Variants in FAM20A observed in about 807,000 individuals in gnomAD.
FAM20A encodes pseudokinase FAM20A.
A neutral mutation model predicts 52.0 loss-of-function variants in FAM20A; 42 were observed. The ratio of observed to expected loss-of-function variants is 0.81; its 90% CI spans 0.63 to 1.04. FAM20A has a LOEUF of 1.04. FAM20A is among the 50% of genes least tolerant of loss of function. The pLI, the probability that FAM20A is intolerant of heterozygous loss-of-function variation, is 0.00. For missense variants in FAM20A, 742 were observed against 712.7 expected, an observed-to-expected ratio of 1.04 and a Z score of -0.47; for synonymous variants, 304 against 298.9, an observed-to-expected ratio of 1.02 and a Z score of -0.18.
chr17:68,569,886 C>G (rs191072343), intron 1 of FAM20A, among the ~76,000 whole-genome samples: 1 of 152,142 alleles, frequency 6.6e-6, no homozygotes, highest in African/African-American at 2.4e-5. Context: ...CTGCATTGGC[C>G]TCCGGAGAGG....
intron 10 of FAM20A, among the ~76,000 whole-genome samples, chr17:68,538,408 C>A (rs1344909935): frequency 6.6e-6 from 1 of 152,246 alleles, no homozygotes; most frequent in Non-Finnish European, 1.5e-5. Flanking sequence ...AATACTCATG[C>A]TCTACTCCGA....
intron 1 of FAM20A, among the ~76,000 whole-genome samples, chr17:68,567,121 T>C (rs1461509791): frequency 2.0e-5 from 3 of 151,910 alleles, no homozygotes; most frequent in East Asian, 3.8e-4. Flanking sequence ...CTCTCAGCAG[T>C]AGACTCATAA....
rs186368408 is a variant in FAM20A at position 68,599,511 on chromosome 17, C to T, written c.404+752G>A. Among the ~76,000 whole-genome samples, 987 of 152,246 alleles carry T rather than the reference C, an allele frequency of 6.5e-3. 9 individuals are homozygous for T. Among genetic ancestry groups the T allele is most frequent in the African/African-American group, 0.022 (927 of 41,540 alleles). On this transcript the variant is annotated intron_variant, in intron 1 of 10. Coordinates refer to ENST00000592554, the MANE Select transcript of FAM20A (RefSeq NM_017565.4). ...TATTTTGCTTTGGGTTTAAAAAATT[C>T]CCTGAAAGATTTTTTTCTCGTCTGT...
Position 68,555,637 on chromosome 17 carries a change from G to A in FAM20A, c.511C>T (p.His171Tyr). ...WVQFHLGINR[H>Y]GLYSRSSPVV... ...GGGCTGGACCGGGAGTAGAGCCCAT[G>A]GCGGTTAATACCCAGGTGGAACTGG... is the stretch of plus-strand genomic sequence containing the variant. Residue 171 changes from histidine (H) to tyrosine (Y), a missense_variant, in exon 2 of 11, where the codon CAT becomes TAT. His to Tyr is a moderately conservative substitution (Grantham distance 83). Transcript: ENST00000592554. The A allele has an allele frequency of 1.9e-6, 3 of 1,613,766 alleles. No individual in the cohort carries two copies. In the South Asian group the frequency reaches 3.3e-5, roughly 18 times the overall value.
At chr17:68,547,405 A>C (rs1490779512) in intron 4 of FAM20A, among the ~76,000 whole-genome samples, 1 of 152,208 alleles carries the variant, frequency 6.6e-6, no homozygotes, top group South Asian at 2.1e-4. Flanking sequence ...CTATGGGGAA[A>C]GTCCCAGATG....
chr17:68,539,201 A>G lies in FAM20A; in HGVS notation c.1361+136T>C. On this transcript the variant is annotated intron_variant, in intron 10 of 10. Transcript: ENST00000592554. The stretch of plus-strand genomic sequence containing the variant: ...CATGCAGTGCACAAATGTGTAGGAA[A>G]TAAGGTGATTCATGTCATTCTACCC... The G allele has an allele frequency of 2.6e-6, 2 of 774,776 alleles. 1 individual carries two copies. Among genetic ancestry groups the G allele is most frequent in the South Asian group, 3.0e-5 (2 of 67,064 alleles). 48.0% of individuals were successfully genotyped at this position (774,776 alleles called of 1,614,324 possible). A position where few individuals can be genotyped will look rare whatever the true frequency, so the allele number is the denominator to read the frequency against.
Position 68,540,975 on chromosome 17 carries a change from G to C in FAM20A, c.1110-17C>G, listed in dbSNP as rs1031918370. ...ACCTCCCACCTGAGGGGGAGAAGAA[G>C]TCCTGGGGCTGGAAAAGCCAAGATG... On this transcript the variant is annotated splice_polypyrimidine_tract_variant and intron_variant, in intron 7 of 10. Coordinates refer to ENST00000592554, the MANE Select transcript of FAM20A (RefSeq NM_017565.4). 4 of 1,567,882 alleles carry C rather than the reference G, an allele frequency of 2.6e-6. No homozygotes were observed. In the East Asian group the frequency reaches 7.0e-5, roughly 27 times the overall value.
At chr17:68,577,923 A>T (rs930393677) in intron 1 of FAM20A, among the ~76,000 whole-genome samples, 1 of 152,174 alleles carries the variant, frequency 6.6e-6, no homozygotes, top group African/African-American at 2.4e-5. Flanking sequence ...TGCAATATTG[A>T]TTTATTTAAA....
intron 1 of FAM20A, among the ~76,000 whole-genome samples, chr17:68,557,014 C>T (rs1213351523): frequency 6.6e-6 from 1 of 151,768 alleles, no homozygotes; most frequent in Non-Finnish European, 1.5e-5. Context: ...TCCTGGACAA[C>T]AATGATAAAG....
At chr17:68,542,657 A>T (rs756898585) in intron 6 of FAM20A, 37 bp downstream of exon 6, 2 of 1,523,028 alleles carry the variant, frequency 1.3e-6, no homozygotes, top group Admixed American at 3.3e-5. Context: ...CTTACGATCT[A>T]CTCAGACCCG....
chr17:68,544,262 C>T (rs1189398805), intron 4 of FAM20A, among the ~76,000 whole-genome samples: 1 of 152,100 alleles, frequency 6.6e-6, no homozygotes, highest in Non-Finnish European at 1.5e-5. Flanking sequence ...CTCAGAGAAA[C>T]ACAGCCGGAT....
intron 4 of FAM20A, among the ~76,000 whole-genome samples, chr17:68,547,522 G>GCT (rs1206148193): frequency 2.0e-5 from 3 of 152,206 alleles, no homozygotes; most frequent in Non-Finnish European, 2.9e-5. Flanking sequence ...ACCTGCTGCA[G>GCT]CTTCTCCATC....
chr17:68,594,369 A>G (rs1042631135), intron 1 of FAM20A, among the ~76,000 whole-genome samples: 2 of 151,604 alleles, frequency 1.3e-5, no homozygotes, highest in African/African-American at 2.4e-5. Flanking sequence ...ACTGCACTCC[A>G]GCCTGGGCGA....
chr17:68,542,001 G>C lies in FAM20A; in HGVS notation c.1093C>G (p.Leu365Val), dbSNP rs780835795. The C allele has an allele frequency of 6.2e-7, 1 of 1,613,760 alleles. No individual in the cohort carries two copies. The change falls in exon 7 of 11, where the codon CTG becomes GTG. Residue 365 changes from leucine to valine, a missense_variant. By Grantham distance (32) the Leu-to-Val change is conservative. Transcript: ENST00000592554. ...CCAACTCACTCCTCTTTTCCTGCCA[G>C]TGTGTAGGAGCGGATCCAGGGGTTG... is the stretch of plus-strand genomic sequence containing the variant. ...VPNPWIRSYT[L>V]AGKEEWEVNP...
At chr17:68,548,259 G>C (rs898079795) in intron 4 of FAM20A, among the ~76,000 whole-genome samples, 2 of 151,916 alleles carry the variant, frequency 1.3e-5, no homozygotes, top group African/African-American at 4.8e-5. Flanking sequence ...GCTGGGCATG[G>C]TGGCACACGC....
At position 68,537,089 on chromosome 17, in the gene FAM20A, T is replaced by A. The variant is rs1296633388; in HGVS notation, c.*388A>T. ...TCTGGACCAGGAGTTATCTTTGACT[T>A]GTAGCTAGAATAAGGATCCTGAGAA... On this transcript the variant is annotated 3_prime_UTR_variant, in exon 11 of 11. Transcript: ENST00000592554. This position sits in a 1 kb window ranked among gnomAD's most constrained non-coding sequence, Gnocchi z 4.2. The A allele has an allele frequency of 2.2e-6, 1 of 463,214 alleles. No individual in the cohort carries two copies. The highest frequency in any genetic ancestry group is 1.5e-5 in the South Asian group (1 of 64,566). The allele number at this position is 463,214 out of a possible 1,614,324, so 28.7% of individuals were successfully genotyped here.
At chr17:68,591,863 C>G (rs986021239) in intron 1 of FAM20A, 2 of 152,332 alleles carry the variant, frequency 1.3e-5, no homozygotes, top group Admixed American at 1.3e-4. Flanking sequence ...AGGACTCTCT[C>G]TTGCTCTGCT....
At chr17:68,577,115 T>A (rs2087793724) in intron 1 of FAM20A, among the ~76,000 whole-genome samples, 1 of 152,150 alleles carries the variant, frequency 6.6e-6, no homozygotes, top group South Asian at 2.1e-4. Flanking sequence ...ACAAATAAAC[T>A]TAGAAAGAGC....
In FAM20A at chr17:68,540,963, G is replaced by C; in HGVS notation, c.1110-5C>G. On this transcript the variant is annotated splice_region_variant and splice_polypyrimidine_tract_variant and intron_variant, in intron 7 of 10. Coordinates refer to ENST00000592554, the MANE Select transcript of FAM20A (RefSeq NM_017565.4). ...TAAAGGGGATTGACCTCCCACCTGA[G>C]GGGGAGAAGAAGTCCTGGGGCTGGA... 6.3e-7 allele frequency: 1 copy of C among 1,578,342 alleles called. No homozygotes were observed. Among genetic ancestry groups the C allele is most frequent in the Non-Finnish European group, 8.6e-7 (1 of 1,160,372 alleles).
Sources: allele counts gnomAD v4.1 joint callset (sites outside exome capture counted in the v4.1 genomes callset), GRCh38; gene constraint gnomAD v4.1.1; non-coding constraint Gnocchi (gnomAD v3.1); transcripts MANE v1.5; gene names NCBI Gene and HGNC (gene_info 2026-07-23, HGNC 2026-07-21).